DPF3: variants seen among roughly 807,000 people sequenced by gnomAD.
DPF3 encodes the protein zinc finger protein DPF3.
DPF3 carries 18 observed loss-of-function variants against 56.8 expected under a neutral mutation model. The ratio of observed to expected loss-of-function variants is 0.32; its 90% CI spans 0.22 to 0.47. DPF3 has a LOEUF of 0.47. Among genes scored for constraint, DPF3 ranks in the 20% least tolerant of loss-of-function variants. The pLI is 1.00. For missense variants in DPF3, 403 were observed against 488.8 expected (o/e 0.82, Z 1.65); for synonymous variants, 188 against 180.2 (o/e 1.04, Z -0.35).
intron 1 of DPF3, among the ~76,000 whole-genome samples, chr14:72,776,687 A>C (rs1038434646): frequency 1.3e-5 from 2 of 152,104 alleles, no homozygotes; most frequent in Non-Finnish European, 1.5e-5. Flanking sequence ...CCGATTTCTC[A>C]GATCACTCTC....
At chr14:72,669,110 A>G (rs1886559372) in intron 8 of DPF3, among the ~76,000 whole-genome samples, 1 of 152,248 alleles carries the variant, frequency 6.6e-6, no homozygotes, top group African/African-American at 2.4e-5. Flanking sequence ...ACACATCTCA[A>G]GCATGAGAAA....
At chr14:72,855,988 G>A (rs1052387885) in intron 1 of DPF3, among the ~76,000 whole-genome samples, 4 of 152,332 alleles carry the variant, frequency 2.6e-5, no homozygotes, top group East Asian at 1.9e-4. Flanking sequence ...ACTGCTTACC[G>A]AGGAGCTGGG....
chr14:72,756,885 GA>G (rs1890836646), intron 2 of DPF3, among the ~76,000 whole-genome samples: 4 of 82,396 alleles, frequency 4.9e-5, no homozygotes, highest in African/African-American at 2.3e-4. Flanking sequence ...AGGAAAGAAG[GA>G]AAGAAAGAAA....
At chr14:72,813,366 A>C (rs1883144371) in intron 1 of DPF3, among the ~76,000 whole-genome samples, 1 of 152,172 alleles carries the variant, frequency 6.6e-6, no homozygotes, top group Non-Finnish European at 1.5e-5. Flanking sequence ...ATCTGGAGGA[A>C]AAAAATCCCA....
At chr14:72,780,782 C>A (rs1891938028) in intron 1 of DPF3, among the ~76,000 whole-genome samples, 1 of 62,304 alleles carries the variant, frequency 1.6e-5, no homozygotes, top group Non-Finnish European at 3.2e-5. Context: ...CTGAACTTTA[C>A]AAGAAGCTCA....
chr14:72,861,484 A>G (rs1351564788), intron 1 of DPF3, among the ~76,000 whole-genome samples: 1 of 152,088 alleles, frequency 6.6e-6, no homozygotes, highest in Admixed American at 6.6e-5. Context: ...TCATTTTGCT[A>G]GCAAACATGA....
chr14:72,892,044 C>T, intron 1 of DPF3: 1 of 1,411,206 alleles, frequency 7.1e-7, no homozygotes, highest in Non-Finnish European at 9.3e-7. Flanking sequence ...TCCAAAAAAC[C>T]CTGGAGCGAG....
chr14:72,875,982 A>C (rs968583927), intron 1 of DPF3, among the ~76,000 whole-genome samples: 1 of 152,096 alleles, frequency 6.6e-6, no homozygotes, highest in South Asian at 2.1e-4. Flanking sequence ...TGGCATTTAC[A>C]TTTTCCTCCT....
intron 1 of DPF3, among the ~76,000 whole-genome samples, chr14:72,779,158 G>A (rs765477893): frequency 1.2e-4 from 19 of 152,162 alleles, no homozygotes; most frequent in Non-Finnish European, 2.2e-4. Context: ...ACTCACCTAG[G>A]GCAGGCATTT....
intron 1 of DPF3, among the ~76,000 whole-genome samples, chr14:72,819,902 C>T (rs1029701324): frequency 5.9e-5 from 9 of 152,196 alleles, no homozygotes; most frequent in Non-Finnish European, 7.3e-5. Flanking sequence ...TGCACCACTA[C>T]ACTCCAACCT....
chr14:72,799,761 G>A (rs1414673602), intron 1 of DPF3, among the ~76,000 whole-genome samples: 1 of 152,124 alleles, frequency 6.6e-6, no homozygotes, highest in Non-Finnish European at 1.5e-5. Context: ...AACTTCTGGG[G>A]GAAAGAGGCA....
At chr14:72,791,376 G>A (rs561463931) in intron 1 of DPF3, among the ~76,000 whole-genome samples, 2 of 152,254 alleles carry the variant, frequency 1.3e-5, no homozygotes, top group South Asian at 2.1e-4. Flanking sequence ...TTGCTGCCAG[G>A]GTTTGTTCTC....
At chr14:72,670,957 C>T (rs1237248864) in intron 8 of DPF3, 1 of 1,339,534 alleles carries the variant, frequency 7.5e-7, no homozygotes, top group African/African-American at 1.7e-5. Context: ...GTTGTACATA[C>T]CCAAAACAGA....
At chr14:72,844,653 C>T (rs1326637921) in intron 1 of DPF3, among the ~76,000 whole-genome samples, 1 of 152,186 alleles carries the variant, frequency 6.6e-6, no homozygotes, top group Non-Finnish European at 1.5e-5. Context: ...AAGTCAAATA[C>T]ACAATGTAAA....
intron 1 of DPF3, among the ~76,000 whole-genome samples, chr14:72,783,971 C>T (rs765694000): frequency 2.6e-5 from 4 of 152,278 alleles, no homozygotes; most frequent in South Asian, 2.1e-4. Context: ...CTCCCCATCA[C>T]GCACCTGCTG....
intron 7 of DPF3, among the ~76,000 whole-genome samples, chr14:72,678,996 T>C (rs1174624204): frequency 6.6e-6 from 1 of 151,530 alleles, no homozygotes; most frequent in African/African-American, 2.4e-5. Flanking sequence ...GCAAGAAAAA[T>C]GAAAAGTGAA....
chr14:72,754,065 T>A (rs1890690005), intron 2 of DPF3, among the ~76,000 whole-genome samples: 1 of 151,454 alleles, frequency 6.6e-6, no homozygotes, highest in Admixed American at 6.6e-5. Flanking sequence ...CCACCCTGTG[T>A]GTGTGGCCTT....
chr14:72,872,685 CA>C (rs2140113263), intron 1 of DPF3, among the ~76,000 whole-genome samples: 1 of 152,326 alleles, frequency 6.6e-6, no homozygotes, highest in East Asian at 1.9e-4. Context: ...TACAAGGCTA[CA>C]GTAACCAAAA....
intron 1 of DPF3, among the ~76,000 whole-genome samples, chr14:72,886,088 G>A (rs777721735): frequency 3.3e-5 from 5 of 152,020 alleles, no homozygotes; most frequent in East Asian, 1.9e-4. Flanking sequence ...AAGGGTCTGG[G>A]CAGCTGGGCA....
Sources: gnomAD v4.1 joint callset for allele counts (sites outside exome capture counted in the v4.1 genomes callset) on GRCh38, gnomAD v4.1.1 for gene constraint, MANE v1.5 for transcripts, NCBI Gene and HGNC (gene_info 2026-07-23, HGNC 2026-07-21) for gene names.